GLMN: variants seen among roughly 807,000 people sequenced by gnomAD.
The protein encoded by GLMN is glomulin.
GLMN carries 75 observed loss-of-function variants against 87.8 expected under a neutral mutation model. The ratio of observed to expected loss-of-function variants is 0.85; its 90% CI spans 0.71 to 1.04. The LOEUF is 1.04. Ranked by LOEUF, GLMN falls within the 50% of genes least tolerant of loss-of-function variation. The pLI is 0.00. For synonymous variants in GLMN, 206 were observed against 221.6 expected (o/e 0.93, Z 0.63); for missense variants, 588 against 658.8 (o/e 0.89, Z 1.18).
chr1:92,246,773 G>GT, intron 18 of GLMN, 127 bp from the exon 19 acceptor site: 1 of 718,570 alleles, frequency 1.4e-6, no homozygotes, highest in Non-Finnish European at 2.6e-6. Flanking sequence ...GTTTGCACCT[G>GT]TAATTCCTGT....
the GLMN span, among the ~76,000 whole-genome samples, chr1:92,315,004 C>T: frequency 6.6e-6 from 1 of 152,020 alleles, no homozygotes; most frequent in Non-Finnish European, 1.5e-5. Context: ...GAGATAGTGC[C>T]ACTGCACTCC....
At chr1:92,296,927 T>A (rs1259973482) in intron 3 of GLMN, among the ~76,000 whole-genome samples, 1 of 152,194 alleles carries the variant, frequency 6.6e-6, no homozygotes, top group African/African-American at 2.4e-5. Context: ...GATATGTATA[T>A]TTCTCATTGT....
At chr1:92,286,723 CA>C (rs1283309783) in intron 6 of GLMN, 131 bp from the exon 7 acceptor site, 2 of 670,720 alleles carry the variant, frequency 3.0e-6, no homozygotes, top group Non-Finnish European at 5.4e-6. Flanking sequence ...CTCTGCTCTC[CA>C]AAACTCATGT....
chr1:92,295,496 C>T (rs751968195), intron 3 of GLMN, among the ~76,000 whole-genome samples: 11 of 152,184 alleles, frequency 7.2e-5, no homozygotes, highest in Non-Finnish European at 1.6e-4. Context: ...CTCACTTGTT[C>T]CTTCAGAAAA....
chr1:92,295,594 C>T (rs1177857658), intron 3 of GLMN, among the ~76,000 whole-genome samples: 1 of 152,070 alleles, frequency 6.6e-6, no homozygotes, highest in East Asian at 1.9e-4. Flanking sequence ...TTTGATGCCT[C>T]TCCCTCTCAA....
At chr1:92,299,584 G>C (rs1650646356), upstream of GLMN, among the ~76,000 whole-genome samples, 1 of 152,088 alleles carries the variant, frequency 6.6e-6, no homozygotes. Flanking sequence ...ACGGAGAGAG[G>C]TTTCCCCTAA....
chr1:92,289,270 A>G, intron 5 of GLMN, 119 bp from the exon 6 acceptor site: 1 of 760,532 alleles, frequency 1.3e-6, no homozygotes. Flanking sequence ...TTGAATCAAG[A>G]TGACACATCA....
intron 7 of GLMN, among the ~76,000 whole-genome samples, chr1:92,283,190 G>A (rs1191614298): frequency 6.6e-6 from 1 of 152,046 alleles, no homozygotes; most frequent in East Asian, 1.9e-4. Flanking sequence ...AGAATTTTAG[G>A]GCAATATCCT....
At chr1:92,338,740 T>C in the GLMN span, among the ~76,000 whole-genome samples, 2 of 151,836 alleles carry the variant, frequency 1.3e-5, no homozygotes, top group East Asian at 3.9e-4. Context: ...AGCCTTAACT[T>C]CTGGGCTCAA....
chr1:92,304,937 G>A, the GLMN span, among the ~76,000 whole-genome samples: 1 of 151,870 alleles, frequency 6.6e-6, no homozygotes, highest in Non-Finnish European at 1.5e-5. Context: ...AGGAGTTGGA[G>A]GCCAGCCTGG....
At position 92,267,990 on chromosome 1, in the gene GLMN, T is replaced by G; in HGVS notation, c.1021A>C (p.Asn341His). The change falls in exon 11 of 19, where the codon AAT (asparagine) becomes CAT (histidine). Residue 341 changes from asparagine to histidine, a missense_variant. Asn to His is a moderately conservative substitution (Grantham distance 68). Transcript: ENST00000370360. ...VISKGLELLE[N>H]SLLRIEDNSL... ...TTGTCTTCTATTCTCAATAAACTAT[T>G]CTCCAGCAGCTCCTACAGATTAAAA... 1.3e-6 allele frequency: 2 copies of G among 1,565,058 alleles called. No individual in the cohort carries two copies. Among genetic ancestry groups the G allele is most frequent in the Non-Finnish European group, 1.8e-6 (2 of 1,135,290 alleles).
chr1:92,260,120 A>G (rs1654835947), intron 16 of GLMN, among the ~76,000 whole-genome samples: 1 of 152,112 alleles, frequency 6.6e-6, no homozygotes, highest in South Asian at 2.1e-4. Context: ...TTTGCCTCTC[A>G]GTTATTGACA....
chr1:92,264,587 T>A lies in GLMN; in HGVS notation c.1266A>T (p.Gln422His). The A allele has an allele frequency of 6.3e-7, 1 of 1,591,582 alleles. No individual in the cohort carries two copies. The highest frequency in any genetic ancestry group is 8.6e-7 in the Non-Finnish European group (1 of 1,159,552). ...NHSGVEAFII[Q>H]NIKNQIDMSL... ...ACATGTCAATTTGATTTTTGATATTTTGAATAATAAAAGCCTCCACACCTG... is the reference window on the plus strand; with the variant it reads ...ACATGTCAATTTGATTTTTGATATTATGAATAATAAAAGCCTCCACACCTG... Residue 422 changes from glutamine to histidine, a missense_variant, in exon 14 of 19, where the codon CAA becomes CAT. Coordinates refer to ENST00000370360, the MANE Select transcript of GLMN (RefSeq NM_053274.3).
intron 13 of GLMN, among the ~76,000 whole-genome samples, chr1:92,266,061 A>T (rs1655599761): frequency 6.6e-6 from 1 of 152,224 alleles, no homozygotes; most frequent in African/African-American, 2.4e-5. Context: ...TTGTAATTCC[A>T]GAGCCATCAA....
upstream of GLMN, among the ~76,000 whole-genome samples, chr1:92,302,699 T>G (rs1414874778): frequency 1.4e-5 from 2 of 145,034 alleles, no homozygotes; most frequent in African/African-American, 2.5e-5. Flanking sequence ...CCTCCCGTGT[T>G]CACGCCATTC....
At chr1:92,301,599 T>G, upstream of GLMN, 1 of 1,160,676 alleles carries the variant, frequency 8.6e-7, no homozygotes, top group Non-Finnish European at 1.2e-6. Context: ...GTGTATGTGT[T>G]AAGTTGACAA....
At chr1:92,299,011 G>A, upstream of GLMN, 1 of 864,714 alleles carries the variant, frequency 1.2e-6, no homozygotes, top group Non-Finnish European at 1.7e-6. Context: ...GCTACGCGTA[G>A]GGAGGCGGGG....
At chr1:92,347,194 GAAC>G in the GLMN span, among the ~76,000 whole-genome samples, 2 of 152,124 alleles carry the variant, frequency 1.3e-5, no homozygotes, top group Non-Finnish European at 2.9e-5. Context: ...TCAACCATAA[GAAC>G]AAATCTTTTG....
At chr1:92,299,289 C>A, upstream of GLMN, 1 of 457,666 alleles carries the variant, frequency 2.2e-6, no homozygotes, top group Non-Finnish European at 4.0e-6. Flanking sequence ...AAGCTTCCCA[C>A]CGCCGTCCGC....
Sources: gnomAD v4.1 joint callset for allele counts (sites outside exome capture counted in the v4.1 genomes callset) on GRCh38, gnomAD v4.1.1 for gene constraint, MANE v1.5 for transcripts, NCBI Gene and HGNC (gene_info 2026-07-23, HGNC 2026-07-21) for gene names.